RIMBP2: variants seen among roughly 807,000 people sequenced by gnomAD.
RIMBP2 encodes the protein RIMS-binding protein 2.
Under a neutral mutation model 118.6 loss-of-function variants are expected in RIMBP2, and 48 were observed. The observed-to-expected ratio is 0.40, with a 90% CI of 0.32 to 0.51. The LOEUF (loss-of-function observed/expected upper bound fraction) is 0.51, where lower values mean the gene tolerates loss of function less well. Ranked by LOEUF, RIMBP2 falls within the 20% of genes least tolerant of loss-of-function variation. RIMBP2 has a pLI of 0.41. For synonymous variants in RIMBP2, 762 were observed against 742.9 expected, an observed-to-expected ratio of 1.03 and a Z score of -0.42; for missense variants, 1,551 against 1,768.3, an observed-to-expected ratio of 0.88 and a Z score of 2.20.
chr12:130,399,577 C>T (rs570607621), intron 22 of RIMBP2, 102 bp downstream of exon 22: 572 of 1,378,384 alleles, frequency 4.1e-4, no homozygotes, highest in Non-Finnish European at 5.1e-4. Context: ...GGTGTATTTA[C>T]GCTTTTCGGC....
intron 5 of RIMBP2, among the ~76,000 whole-genome samples, chr12:130,476,762 C>G (rs2081466182): frequency 6.6e-6 from 1 of 152,216 alleles, no homozygotes. Context: ...GGCTTACTCG[C>G]TTTTTCACTG....
intron 1 of RIMBP2, among the ~76,000 whole-genome samples, chr12:130,674,976 G>A (rs1161902142): frequency 6.6e-6 from 1 of 152,198 alleles, no homozygotes; most frequent in Non-Finnish European, 1.5e-5. Context: ...TCCATCGTGT[G>A]GATGGAACAC....
At position 130,670,917 on chromosome 12, in the gene RIMBP2, G is replaced by A. The variant is rs1223123801; in HGVS notation, c.-351-42461C>T. On this transcript the variant is annotated intron_variant, in intron 1 of 22. Transcript: ENST00000690449. This position sits in a 1 kb window ranked among gnomAD's most constrained non-coding sequence, Gnocchi z 4.9. ...GCCTCCTGAGTGGCTGGGATTACAGGTGCCCACCAGTACGTCTCTTTTAGT... is the reference window on the plus strand; with the variant it reads ...GCCTCCTGAGTGGCTGGGATTACAGATGCCCACCAGTACGTCTCTTTTAGT... Among the ~76,000 whole-genome samples the A allele has an allele frequency of 6.6e-6, 1 of 152,092 alleles. No homozygotes were observed. The highest frequency in any genetic ancestry group is 1.5e-5 in the Non-Finnish European group (1 of 68,008).
In RIMBP2 at chr12:130,451,345, C is replaced by A; in HGVS notation, c.359-5G>T. ...CTCCAATAGCGCTCTCCTGACCTGGCCACGAACATTAAAACAAGTTGAAAC... is the reference window on the plus strand; with the variant it reads ...CTCCAATAGCGCTCTCCTGACCTGGACACGAACATTAAAACAAGTTGAAAC... On this transcript the variant is annotated splice_polypyrimidine_tract_variant and splice_region_variant and intron_variant, in intron 7 of 22. Coordinates refer to ENST00000690449, the MANE Select transcript of RIMBP2 (RefSeq NM_001393629.1). The A allele has an allele frequency of 1.3e-6, 2 of 1,595,884 alleles. No homozygotes were observed. Among genetic ancestry groups the A allele is most frequent in the Non-Finnish European group, 1.7e-6 (2 of 1,167,748 alleles).
chr12:130,412,561 G>A (rs541378453), intron 19 of RIMBP2, 58 bp downstream of exon 19: 27 of 1,500,138 alleles, frequency 1.8e-5, no homozygotes, highest in African/African-American at 1.4e-4. Context: ...CTCTCTGAGC[G>A]GCAGGTGTTT....
intron 1 of RIMBP2, among the ~76,000 whole-genome samples, chr12:130,655,642 C>T (rs1175730026): frequency 6.6e-6 from 1 of 152,208 alleles, no homozygotes; most frequent in African/African-American, 2.4e-5. Flanking sequence ...GGTTACTACA[C>T]AGAGCGAACA....
chr12:130,560,480 C>A (rs2056734790), intron 2 of RIMBP2, among the ~76,000 whole-genome samples: 1 of 152,108 alleles, frequency 6.6e-6, no homozygotes, highest in African/African-American at 2.4e-5. Context: ...TAGTGACCAC[C>A]CAAAATGTCT....
At chr12:130,408,887 G>A (rs1357236495) in intron 19 of RIMBP2, among the ~76,000 whole-genome samples, 1 of 152,166 alleles carries the variant, frequency 6.6e-6, no homozygotes, top group Non-Finnish European at 1.5e-5. Context: ...GGCCAGCTGT[G>A]TAGCCCTGCA....
In RIMBP2 at chr12:130,688,053, A is replaced by T. The variant is rs2065140430; in HGVS notation, c.-352+28169T>A. Among the ~76,000 whole-genome samples the T allele has an allele frequency of 6.6e-6, 1 of 152,232 alleles. No homozygotes were observed. The highest frequency in any genetic ancestry group is 2.4e-5 in the African/African-American group (1 of 41,456). ...CAGATCAACTATTGTTAAAATTCGT[A>T]CTGTGGGAAAGAGGGGCACATCACA... On this transcript the variant is annotated intron_variant, in intron 1 of 22. Transcript: ENST00000690449. This position sits in a 1 kb window ranked among gnomAD's most constrained non-coding sequence, Gnocchi z 4.7.
chr12:130,502,745 T>G (rs2049920170), intron 4 of RIMBP2, among the ~76,000 whole-genome samples: 1 of 152,188 alleles, frequency 6.6e-6, no homozygotes, highest in African/African-American at 2.4e-5. Flanking sequence ...TGAGGTCTAT[T>G]TTGCTAACTG....
chr12:130,486,229 C>A (rs2082460257), intron 4 of RIMBP2, among the ~76,000 whole-genome samples: 1 of 152,146 alleles, frequency 6.6e-6, no homozygotes, highest in Non-Finnish European at 1.5e-5. Context: ...CCTGACTGGA[C>A]CAAATCCCTC....
intron 7 of RIMBP2, among the ~76,000 whole-genome samples, chr12:130,454,985 C>T (rs1841810324): frequency 6.6e-6 from 1 of 152,258 alleles, no homozygotes; most frequent in South Asian, 2.1e-4. Flanking sequence ...GCACACCACA[C>T]AGCTCACACT....
In RIMBP2 at chr12:130,710,901, A is replaced by C. The variant is rs1217967783; in HGVS notation, c.-352+5321T>G. On this transcript the variant is annotated intron_variant, in intron 1 of 22. Coordinates refer to ENST00000690449, the MANE Select transcript of RIMBP2 (RefSeq NM_001393629.1). The surrounding 1 kb of genome is among the most constrained non-coding windows in gnomAD (Gnocchi z 4.3). ...CCCCGCACGTCACACGTGGGGTCCC[A>C]TGGAGCCCTGACAGCCACCTCCCTT... is the stretch of plus-strand genomic sequence containing the variant. Among the ~76,000 whole-genome samples, 1 of 152,222 alleles carries C rather than the reference A, an allele frequency of 6.6e-6. No homozygotes were observed. The highest frequency in any genetic ancestry group is 1.5e-5 in the Non-Finnish European group (1 of 68,030).
chr12:130,481,195 C>T (rs998408355), intron 4 of RIMBP2, among the ~76,000 whole-genome samples: 8 of 152,062 alleles, frequency 5.3e-5, no homozygotes, highest in Admixed American at 3.3e-4. Flanking sequence ...GGTGTGGCCC[C>T]GCAGGAGGAG....
At chr12:130,406,023 TA>T (rs1418626132) in intron 21 of RIMBP2, 148 bp downstream of exon 21, 2 of 617,942 alleles carry the variant, frequency 3.2e-6, no homozygotes, top group African/African-American at 3.7e-5. Flanking sequence ...AGCAAAGTTC[TA>T]TAACTCAGCC....
Position 130,576,078 on chromosome 12 carries a change from T to G in RIMBP2, c.-217+52244A>C, listed in dbSNP as rs2058062619. ...AGACATCACAGTGGGAACTGTGTAC[T>G]CTGCAGGGAGGCTGGTGCGGGGGGA... is the stretch of plus-strand genomic sequence containing the variant. On this transcript the variant is annotated intron_variant, in intron 2 of 22. Coordinates refer to ENST00000690449, the MANE Select transcript of RIMBP2 (RefSeq NM_001393629.1). This position sits in a 1 kb window ranked among gnomAD's most constrained non-coding sequence, Gnocchi z 4.2. Among the ~76,000 whole-genome samples the G allele has an allele frequency of 6.6e-6, 1 of 151,688 alleles. No individual in the cohort carries two copies. Among genetic ancestry groups the G allele is most frequent in the African/African-American group, 2.4e-5 (1 of 41,266 alleles).
chr12:130,553,977 G>A (rs551088130), intron 2 of RIMBP2, among the ~76,000 whole-genome samples: 3 of 152,200 alleles, frequency 2.0e-5, no homozygotes, highest in Admixed American at 6.5e-5. Context: ...TTCCAAGGAC[G>A]AAAGAAATAC....
rs757562620 is a variant in RIMBP2 at position 130,622,117 on chromosome 12, A to G, written c.-217+6205T>C. On this transcript the variant is annotated intron_variant, in intron 2 of 22. Transcript: ENST00000690449. This position sits in a 1 kb window ranked among gnomAD's most constrained non-coding sequence, Gnocchi z 8.5. ...TAGACATTTCCGCACAAATAAAATT[A>G]GGCCGAGACAGTTAGTCTTGGGGTC... Among the ~76,000 whole-genome samples, 1 of 152,238 alleles carries G rather than the reference A, an allele frequency of 6.6e-6. No homozygotes were observed. Among genetic ancestry groups the G allele is most frequent in the Non-Finnish European group, 1.5e-5 (1 of 68,048 alleles).
At chr12:130,488,111 T>C (rs1340870001) in intron 4 of RIMBP2, among the ~76,000 whole-genome samples, 1 of 152,146 alleles carries the variant, frequency 6.6e-6, no homozygotes, top group Non-Finnish European at 1.5e-5. Context: ...GTCTAGAAAC[T>C]AGACTTTAAC....
Sources: allele counts gnomAD v4.1 joint callset (sites outside exome capture counted in the v4.1 genomes callset), GRCh38; gene constraint gnomAD v4.1.1; non-coding constraint Gnocchi (gnomAD v3.1); transcripts MANE v1.5; gene names NCBI Gene and HGNC (gene_info 2026-07-23, HGNC 2026-07-21).